The following APBB2 variants were observed in gnomAD, a reference collection of about 807,000 sequenced individuals.
APBB2 encodes amyloid beta precursor protein binding family B member 2, also known as Fe65-like 1.
In APBB2, 38 loss-of-function variants were observed where a neutral mutation model predicts 82.5. That is an observed-to-expected ratio of 0.46 (90% CI 0.36 to 0.60). The LOEUF (loss-of-function observed/expected upper bound fraction) is 0.60, where lower values mean the gene tolerates loss of function less well. APBB2 is among the 20% of genes least tolerant of loss of function. The pLI, the probability that APBB2 is intolerant of heterozygous loss-of-function variation, is 0.00. For missense variants in APBB2, 772 were observed against 972.3 expected, an observed-to-expected ratio of 0.79 and a Z score of 2.74; for synonymous variants, 341 against 368.2, an observed-to-expected ratio of 0.93 and a Z score of 0.85.
intron 1 of APBB2, chr4:41,193,688 T>A: frequency 2.9e-6 from 1 of 345,994 alleles, no homozygotes; most frequent in Non-Finnish European, 4.1e-6. Context: ...CTGCTGCTGT[T>A]ACAGCAACTG....
At chr4:41,078,519 T>C (rs1429987081) in intron 3 of APBB2, among the ~76,000 whole-genome samples, 2 of 152,360 alleles carry the variant, frequency 1.3e-5, no homozygotes, top group Admixed American at 6.5e-5. Context: ...TCCTCCTAGC[T>C]AATCCAATTG....
At chr4:41,067,234 A>G (rs1732212033) in intron 3 of APBB2, among the ~76,000 whole-genome samples, 1 of 151,920 alleles carries the variant, frequency 6.6e-6, no homozygotes, top group Non-Finnish European at 1.5e-5. Context: ...ACAGGGAGAA[A>G]CCCCATCTCT....
chr4:40,906,936 A>G (rs1776922557), intron 10 of APBB2, among the ~76,000 whole-genome samples: 1 of 152,204 alleles, frequency 6.6e-6, no homozygotes, highest in Non-Finnish European at 1.5e-5. Context: ...ATGCATGTAT[A>G]TATGTGCACA....
At chr4:41,199,436 A>T (rs1307503824) in intron 1 of APBB2, among the ~76,000 whole-genome samples, 3 of 152,232 alleles carry the variant, frequency 2.0e-5, no homozygotes, top group Non-Finnish European at 4.4e-5. Context: ...TACCAAAAAA[A>T]TTCCAAGGGC....
chr4:40,962,645 T>G (rs1229008574), intron 6 of APBB2, among the ~76,000 whole-genome samples: 1 of 152,174 alleles, frequency 6.6e-6, no homozygotes, highest in Non-Finnish European at 1.5e-5. Context: ...TCCCCTTTTT[T>G]TCCTATCTCA....
intron 10 of APBB2, among the ~76,000 whole-genome samples, chr4:40,930,779 G>A (rs1578524591): frequency 2.6e-5 from 4 of 151,922 alleles, no homozygotes; most frequent in South Asian, 2.1e-4. Flanking sequence ...ACGGAGTCTC[G>A]CTCTGTCGCC....
At chr4:41,081,761 T>A (rs1194163677) in intron 3 of APBB2, among the ~76,000 whole-genome samples, 1 of 152,060 alleles carries the variant, frequency 6.6e-6, no homozygotes, top group Non-Finnish European at 1.5e-5. Flanking sequence ...CTTTCAACCA[T>A]CTTAACTTGA....
intron 3 of APBB2, among the ~76,000 whole-genome samples, chr4:41,068,115 G>A (rs1028521428): frequency 6.6e-6 from 1 of 152,216 alleles, no homozygotes; most frequent in African/African-American, 2.4e-5. Context: ...ATGCATTCCA[G>A]GATCCCCAGT....
intron 2 of APBB2, among the ~76,000 whole-genome samples, chr4:41,126,140 G>A (rs777201333): frequency 1.1e-4 from 16 of 151,690 alleles, no homozygotes; most frequent in Admixed American, 2.0e-4. Flanking sequence ...AGCACTGTGG[G>A]AGGCAGAGAC....
intron 1 of APBB2, among the ~76,000 whole-genome samples, chr4:41,145,310 A>T (rs1429866078): frequency 6.6e-6 from 1 of 152,138 alleles, no homozygotes; most frequent in African/African-American, 2.4e-5. Context: ...CCGTGCCCAG[A>T]GAGGTAAAAT....
chr4:41,106,209 A>T (rs7665184), intron 2 of APBB2, among the ~76,000 whole-genome samples: 151,903 of 152,298 alleles, frequency 1, 75,754 homozygotes, highest in Middle Eastern at 1. Flanking sequence ...CAGAAACTAT[A>T]TTCTCAGGCT....
intron 12 of APBB2, among the ~76,000 whole-genome samples, chr4:40,845,984 T>TGTGG (rs545500208): frequency 4.7e-4 from 4 of 8,434 alleles, no homozygotes; most frequent in African/African-American, 1.2e-3. Flanking sequence ...GGTAGGTGGG[T>TGTGG]GTGGGTGGGT....
chr4:41,086,642 A>G (rs1261294580), intron 3 of APBB2, among the ~76,000 whole-genome samples: 2 of 152,224 alleles, frequency 1.3e-5, no homozygotes, highest in Non-Finnish European at 2.9e-5. Flanking sequence ...CATTCAACGA[A>G]TTAGGAACAG....
Position 41,066,579 on chromosome 4 carries a change from G to A in APBB2, c.-148-906C>T, listed in dbSNP as rs1006888924. On this transcript the variant is annotated intron_variant, in intron 3 of 17. Coordinates refer to ENST00000508593, the MANE Select transcript of APBB2 (RefSeq NM_004307.2). ...GGGCGTCTAGTCCAGAAATGGACAG[G>A]TCAGGGAGGCCTTCCAAGAAAAGGG... Among the ~76,000 whole-genome samples the A allele has an allele frequency of 3.9e-5, 6 of 152,326 alleles. 1 individual carries two copies. The South Asian group carries it at 1.2e-3, about 32-fold the overall frequency.
intron 4 of APBB2, among the ~76,000 whole-genome samples, chr4:41,062,174 T>C (rs1197751979): frequency 6.6e-6 from 1 of 151,784 alleles, no homozygotes; most frequent in African/African-American, 2.4e-5. Context: ...ATTTATTTAT[T>C]TATTTATTTA....
At chr4:40,938,199 G>C (rs1785871786) in intron 7 of APBB2, among the ~76,000 whole-genome samples, 1 of 152,210 alleles carries the variant, frequency 6.6e-6, no homozygotes. Context: ...TGGTACCACA[G>C]TCATAGCTGG....
chr4:41,091,777 T>C (rs959158208), intron 3 of APBB2, among the ~76,000 whole-genome samples: 1 of 152,206 alleles, frequency 6.6e-6, no homozygotes, highest in African/African-American at 2.4e-5. Context: ...CTTTGCTCCA[T>C]TGATTATGTC....
intron 12 of APBB2, among the ~76,000 whole-genome samples, chr4:40,888,505 T>C (rs188908881): frequency 1.5e-3 from 229 of 149,468 alleles, no homozygotes; most frequent in East Asian, 0.011. Flanking sequence ...ACACTTTGGC[T>C]CCTGCCTCGC....
intron 12 of APBB2, among the ~76,000 whole-genome samples, chr4:40,846,015 G>GGTGT (rs58613884): frequency 9.2e-5 from 11 of 119,814 alleles, no homozygotes; most frequent in African/African-American, 2.0e-4. Flanking sequence ...GTGTGAGTGG[G>GGTGT]GTGTGTGTGT....
Sources: allele counts gnomAD v4.1 joint callset (sites outside exome capture counted in the v4.1 genomes callset), GRCh38; gene constraint gnomAD v4.1.1; transcripts MANE v1.5; gene names NCBI Gene and HGNC (gene_info 2026-07-23, HGNC 2026-07-21).